The following SLC8A1 variants were observed in gnomAD, a reference collection of about 807,000 sequenced individuals.
The protein encoded by SLC8A1 is solute carrier family 8 member A1.
In SLC8A1, 18 loss-of-function variants were observed where a neutral mutation model predicts 68.3. That is an observed-to-expected ratio of 0.26 (90% CI 0.18 to 0.39). The LOEUF (loss-of-function observed/expected upper bound fraction) is 0.39, where lower values mean the gene tolerates loss of function less well. SLC8A1 is among the 10% of genes least tolerant of loss of function. SLC8A1 has a pLI of 1.00. For synonymous variants in SLC8A1, 475 were observed against 415.5 expected, an observed-to-expected ratio of 1.14 and a Z score of -1.74; for missense variants, 985 against 1,156.7, an observed-to-expected ratio of 0.85 and a Z score of 2.15.
intron 2 of SLC8A1, among the ~76,000 whole-genome samples, chr2:40,197,570 T>G (rs2053291595): frequency 6.6e-6 from 1 of 151,998 alleles, no homozygotes; most frequent in East Asian, 1.9e-4. Context: ...GCAAAAGATC[T>G]CTCTTTCATA....
chr2:40,181,625 CTT>C (rs2049583788), intron 2 of SLC8A1, among the ~76,000 whole-genome samples: 1 of 151,890 alleles, frequency 6.6e-6, no homozygotes, highest in Non-Finnish European at 1.5e-5. Context: ...TAATAGGAAA[CTT>C]GATTATTAAA....
chr2:40,406,559 T>G (rs1472773602), intron 2 of SLC8A1, among the ~76,000 whole-genome samples: 2 of 152,052 alleles, frequency 1.3e-5, no homozygotes, highest in African/African-American at 4.8e-5. Context: ...CGATCTAAGG[T>G]GAAGGCTAAG....
intron 6 of SLC8A1, among the ~76,000 whole-genome samples, chr2:40,147,210 T>A (rs1464776851): frequency 6.7e-6 from 1 of 149,754 alleles, no homozygotes; most frequent in Admixed American, 6.7e-5. Context: ...TGAAAATTGA[T>A]GGCTTTAGTG....
Position 40,425,748 on chromosome 2 carries a change from T to C in SLC8A1, c.1808+2725A>G, listed in dbSNP as rs115011193. On this transcript the variant is annotated intron_variant, in intron 2 of 7. Coordinates refer to ENST00000406785, the Ensembl canonical transcript of SLC8A1. The stretch of plus-strand genomic sequence containing the variant: ...ACTCCATTGCACGATGACAAACTCT[T>C]TCACTTGGATCTGACTGTATGGAAA... 9.1e-3 allele frequency among the ~76,000 whole-genome samples: 1,387 copies of C among 151,964 alleles called. 20 individuals are homozygous for C. Among genetic ancestry groups the C allele is most frequent in the African/African-American group, 0.032 (1,320 of 41,520 alleles).
intron 7 of SLC8A1, among the ~76,000 whole-genome samples, chr2:40,130,024 C>T (rs187720589): frequency 9.3e-4 from 142 of 152,300 alleles, no homozygotes; most frequent in Middle Eastern, 3.4e-3. Flanking sequence ...CATCCTGATT[C>T]CCCTCCAGCT....
intron 2 of SLC8A1, among the ~76,000 whole-genome samples, chr2:40,329,219 G>T (rs774972353): frequency 6.6e-6 from 1 of 151,994 alleles, no homozygotes; most frequent in African/African-American, 2.4e-5. Flanking sequence ...GAAACCTTAC[G>T]CAACCGTTAG....
intron 6 of SLC8A1, among the ~76,000 whole-genome samples, chr2:40,160,509 G>A (rs184391002): frequency 2.2e-4 from 34 of 152,190 alleles, no homozygotes; most frequent in Admixed American, 1.3e-3. Context: ...GACACAAAAC[G>A]CTTTAAATTT....
chr2:40,125,180 G>A (rs1439089607), intron 7 of SLC8A1, among the ~76,000 whole-genome samples: 2 of 152,126 alleles, frequency 1.3e-5, no homozygotes, highest in Non-Finnish European at 2.9e-5. Context: ...CTTTTTCCTG[G>A]TCCTTTTGGT....
At chr2:40,294,287 T>C (rs1170383015) in intron 2 of SLC8A1, among the ~76,000 whole-genome samples, 3 of 152,136 alleles carry the variant, frequency 2.0e-5, no homozygotes. Flanking sequence ...ATATTGATTA[T>C]TTGCTATCTG....
rs142875242 is a variant in SLC8A1, at chr2:40,336,273, A to G, written c.1808+92200T>C. 1.1e-4 allele frequency among the ~76,000 whole-genome samples: 16 copies of G among 152,306 alleles called. No homozygotes were observed. The East Asian group carries it at 3.1e-3, about 29-fold the overall frequency. ...TCCTTCACTTGAAGGTGGGAAACAT[A>G]TTTATATCACACTGTACCAATGTCC... On this transcript the variant is annotated intron_variant, in intron 2 of 7. Coordinates refer to ENST00000406785, the Ensembl canonical transcript of SLC8A1.
rs113491651 is a variant in SLC8A1 at position 40,302,078 on chromosome 2, G to C, written c.1809-124223C>G. Among the ~76,000 whole-genome samples the C allele has an allele frequency of 4.5e-3, 302 of 67,146 alleles. No individual in the cohort carries two copies. In the Middle Eastern group the frequency reaches 0.059, roughly 13 times the overall value. 44.1% of individuals were successfully genotyped at this position (67,146 alleles called of 152,430 possible). A position where few individuals can be genotyped will look rare whatever the true frequency, so the allele number is the denominator to read the frequency against. On this transcript the variant is annotated intron_variant, in intron 2 of 7. Transcript: ENST00000406785. ...GTGTGTGTGTGTGTGTGTGTGTTTA[G>C]TAGAGAAGGGGTTTCGCCGTGATGG...
At chr2:40,405,671 G>A (rs1321912344) in intron 2 of SLC8A1, among the ~76,000 whole-genome samples, 1 of 152,180 alleles carries the variant, frequency 6.6e-6, no homozygotes, top group Non-Finnish European at 1.5e-5. Context: ...TGGGAAAAAT[G>A]AGGTAATTCT....
chr2:40,486,033 A>C (rs529240704), intron 1 of SLC8A1, among the ~76,000 whole-genome samples: 1 of 152,272 alleles, frequency 6.6e-6, no homozygotes, highest in Non-Finnish European at 1.5e-5. Context: ...ACACAGTGGG[A>C]GTTAATTGAA....
chr2:40,214,226 C>T (rs184452538), intron 2 of SLC8A1, among the ~76,000 whole-genome samples: 1 of 152,276 alleles, frequency 6.6e-6, no homozygotes, highest in East Asian at 1.9e-4. Context: ...GAATTATAGC[C>T]TCTTCAGCTA....
At chr2:40,177,723 C>T (rs765753214) in intron 3 of SLC8A1, 4 of 1,352,052 alleles carry the variant, frequency 3.0e-6, no homozygotes, top group South Asian at 1.3e-5. Flanking sequence ...TACAATTTCT[C>T]GCTGGTATGT....
At chr2:40,369,594 T>C (rs1254838475) in intron 2 of SLC8A1, among the ~76,000 whole-genome samples, 1 of 152,112 alleles carries the variant, frequency 6.6e-6, no homozygotes, top group Non-Finnish European at 1.5e-5. Context: ...GCTTATTGGG[T>C]TGTGGATTAG....
chr2:40,257,935 G>C (rs116654578), intron 2 of SLC8A1, among the ~76,000 whole-genome samples: 1 of 152,188 alleles, frequency 6.6e-6, no homozygotes, highest in Non-Finnish European at 1.5e-5. Flanking sequence ...TAATCACAAC[G>C]ACAGGAGTAG....
At chr2:40,212,889 G>A (rs2056857522) in intron 2 of SLC8A1, among the ~76,000 whole-genome samples, 2 of 151,576 alleles carry the variant, frequency 1.3e-5, no homozygotes, top group African/African-American at 4.9e-5. Context: ...CATAAATTTA[G>A]GGCAACAAAG....
chr2:40,269,505 C>G (rs2065759824), intron 2 of SLC8A1, among the ~76,000 whole-genome samples: 1 of 152,166 alleles, frequency 6.6e-6, no homozygotes, highest in Non-Finnish European at 1.5e-5. Context: ...TAAAACTGAT[C>G]AGAAAGATCC....
Sources: allele counts gnomAD v4.1 joint callset (sites outside exome capture counted in the v4.1 genomes callset), GRCh38; gene constraint gnomAD v4.1.1; transcripts MANE v1.5; gene names NCBI Gene and HGNC (gene_info 2026-07-23, HGNC 2026-07-21).